Variants in GALNT2 observed in about 807,000 individuals in gnomAD.
The protein encoded by GALNT2 is UDP-GalNAc:polypeptide N-acetylgalactosaminyltransferase 2.
A neutral mutation model predicts 81.4 loss-of-function variants in GALNT2; 31 were observed. That is an observed-to-expected ratio of 0.38 (90% CI 0.29 to 0.51). GALNT2 has a LOEUF of 0.51. Ranked by LOEUF, GALNT2 falls within the 20% of genes least tolerant of loss-of-function variation. The probability of loss-of-function intolerance (pLI) is 0.87; values close to 1 mark genes in which losing one functional copy is unlikely to be tolerated. For missense variants in GALNT2, 629 were observed against 765.7 expected (o/e 0.82, Z 2.11); for synonymous variants, 303 against 287.4 (o/e 1.05, Z -0.55).
intron 1 of GALNT2, among the ~76,000 whole-genome samples, chr1:230,084,249 G>T (rs1023331122): frequency 6.6e-6 from 1 of 152,190 alleles, no homozygotes; most frequent in African/African-American, 2.4e-5. Flanking sequence ...GCTGGGGGAC[G>T]GTCACGCCAA....
At chr1:230,064,306 T>C (rs1297963396), upstream of GALNT2, among the ~76,000 whole-genome samples, 11 of 152,214 alleles carry the variant, frequency 7.2e-5, no homozygotes, top group Non-Finnish European at 1.5e-5. Context: ...GTATAATGTA[T>C]ATACACTAGT....
intron 10 of GALNT2, among the ~76,000 whole-genome samples, chr1:230,252,231 G>A (rs1665566158): frequency 6.6e-6 from 1 of 152,172 alleles, no homozygotes; most frequent in Non-Finnish European, 1.5e-5. Context: ...CAACCTGAGG[G>A]GCCTCTGTGG....
At position 230,249,199 on chromosome 1, in the gene GALNT2, T is replaced by C. The variant is rs749754600; in HGVS notation, c.833T>C (p.Leu278Ser). 1 of 1,614,136 alleles carries C rather than the reference T, an allele frequency of 6.2e-7. No individual in the cohort carries two copies. The highest frequency in any genetic ancestry group is 8.5e-7 in the Non-Finnish European group (1 of 1,180,008). The change falls in exon 9 of 16, where the codon TTG becomes TCG. Residue 278 changes from leucine to serine, a missense_variant. By Grantham distance (145) the Leu-to-Ser change is moderately radical (BLOSUM62 -2). Around this residue, in one of 3 missense-constraint regions of GALNT2, gnomAD observed 360 missense variants for 492.8 expected, o/e 0.73. Coordinates refer to ENST00000366672, the MANE Select transcript of GALNT2 (RefSeq NM_004481.5). ...ADLKGGFDWNLVFKWDYMTPE... is the reference protein window; with the variant it reads ...ADLKGGFDWNSVFKWDYMTPE... ...TGGCTGGCAGGTTTTGATTGGAACT[T>C]GGTATTCAAGTGGGATTACATGACG...
intron 1 of GALNT2, among the ~76,000 whole-genome samples, chr1:230,129,272 C>G (rs1470831643): frequency 6.6e-6 from 1 of 152,112 alleles, no homozygotes; most frequent in Non-Finnish European, 1.5e-5. Flanking sequence ...CTTTCCTGTC[C>G]TATAACCTGT....
intron 3 of GALNT2, among the ~76,000 whole-genome samples, chr1:230,229,547 A>G (rs1664810976): frequency 6.6e-6 from 1 of 152,202 alleles, no homozygotes; most frequent in Non-Finnish European, 1.5e-5. Flanking sequence ...GAAGAGGTTC[A>G]TAATGTATGA....
chr1:230,206,055 G>T (rs182882033), intron 3 of GALNT2, among the ~76,000 whole-genome samples: 6 of 152,062 alleles, frequency 3.9e-5, no homozygotes, highest in Non-Finnish European at 5.9e-5. Flanking sequence ...GACTTCAGTC[G>T]ACTGCTTGGC....
At chr1:230,266,989 G>GACACACACACACACAC (rs35956776) in intron 14 of GALNT2, among the ~76,000 whole-genome samples, 48 of 146,794 alleles carry the variant, frequency 3.3e-4, no homozygotes, top group Middle Eastern at 3.5e-3. Flanking sequence ...GCACGTGTGT[G>GACACACACACACACAC]ACACACACAC....
intron 3 of GALNT2, among the ~76,000 whole-genome samples, chr1:230,209,214 G>T (rs1039647801): frequency 6.6e-6 from 1 of 152,134 alleles, no homozygotes; most frequent in Non-Finnish European, 1.5e-5. Context: ...ACTAGCAGCC[G>T]CATGGAAGTA....
At chr1:230,197,090 A>G (rs1353052170) in intron 2 of GALNT2, among the ~76,000 whole-genome samples, 1 of 152,008 alleles carries the variant, frequency 6.6e-6, no homozygotes, top group Non-Finnish European at 1.5e-5. Flanking sequence ...CTGGCTTCAG[A>G]GCAAGCCTCT....
At chr1:230,136,687 G>A (rs895448255) in intron 1 of GALNT2, among the ~76,000 whole-genome samples, 2 of 152,186 alleles carry the variant, frequency 1.3e-5, no homozygotes, top group African/African-American at 4.8e-5. Flanking sequence ...CGGGGGCAAC[G>A]TTCCGCTTTG....
At chr1:230,137,165 A>G (rs969447036) in intron 1 of GALNT2, among the ~76,000 whole-genome samples, 2 of 152,184 alleles carry the variant, frequency 1.3e-5, no homozygotes, top group Non-Finnish European at 2.9e-5. Context: ...GGGGAGCCAA[A>G]TAGTGCTTTT....
intron 3 of GALNT2, among the ~76,000 whole-genome samples, chr1:230,209,857 C>T (rs1255774658): frequency 1.3e-5 from 2 of 152,012 alleles, no homozygotes; most frequent in African/African-American, 4.8e-5. Context: ...TTTAAGGTCC[C>T]GTCTGTGGTA....
rs181621722 is a variant in GALNT2 at position 230,225,289 on chromosome 1, T to A, written c.375-10725T>A. Among the ~76,000 whole-genome samples, 508 of 152,382 alleles carry A rather than the reference T, an allele frequency of 3.3e-3. 2 individuals carry two copies. Among genetic ancestry groups the A allele is most frequent in the African/African-American group, 0.012 (489 of 41,592 alleles). ...TTTACATTCTATCCAGTAGCCTGCC[T>A]AGACTTTCTGTAGACACCATAGCAA... is the stretch of plus-strand genomic sequence containing the variant. On this transcript the variant is annotated intron_variant, in intron 3 of 15. Transcript: ENST00000366672.
chr1:230,154,015 C>T (rs1276847051), intron 1 of GALNT2, among the ~76,000 whole-genome samples: 1 of 152,232 alleles, frequency 6.6e-6, no homozygotes, highest in Non-Finnish European at 1.5e-5. Flanking sequence ...TTTCTCTTTT[C>T]ACCCATTGTT....
rs556798583 is a variant in GALNT2 at position 230,193,729 on chromosome 1, G to A, written c.221-9408G>A. On this transcript the variant is annotated intron_variant, in intron 2 of 15. Transcript: ENST00000366672. This position sits in a 1 kb window ranked among gnomAD's most constrained non-coding sequence, Gnocchi z 4.3. Reference sequence around the variant, plus strand: ...CAAGTAGTCCCCTGATGACAAAAGCGTCTTTTTCAAAAAGTTCACTTGAAG... The same window carrying A: ...CAAGTAGTCCCCTGATGACAAAAGCATCTTTTTCAAAAAGTTCACTTGAAG... 9.3e-4 allele frequency among the ~76,000 whole-genome samples: 142 copies of A among 152,252 alleles called. No individual in the cohort carries two copies. The highest frequency in any genetic ancestry group is 2.9e-3 in the African/African-American group (119 of 41,556).
At chr1:230,236,207 CAG>C (rs1665024956) in intron 4 of GALNT2, 95 bp downstream of exon 4, 1 of 1,403,566 alleles carries the variant, frequency 7.1e-7, no homozygotes, top group South Asian at 1.2e-5. Flanking sequence ...GGGCTGCAGA[CAG>C]GGTCTCCTGA....
At chr1:230,097,927 T>A (rs1380831025) in intron 1 of GALNT2, among the ~76,000 whole-genome samples, 1 of 152,218 alleles carries the variant, frequency 6.6e-6, no homozygotes, top group Non-Finnish European at 1.5e-5. Flanking sequence ...CTGCTTTAGT[T>A]TCAGGGATCA....
At chr1:230,129,732 G>T (rs1020478760) in intron 1 of GALNT2, among the ~76,000 whole-genome samples, 1 of 152,182 alleles carries the variant, frequency 6.6e-6, no homozygotes, top group Non-Finnish European at 1.5e-5. Flanking sequence ...TAGACTCAGG[G>T]TGCATGTGCA....
intron 9 of GALNT2, among the ~76,000 whole-genome samples, chr1:230,249,562 T>G (rs1665479865): frequency 6.6e-6 from 1 of 152,234 alleles, no homozygotes; most frequent in Admixed American, 6.5e-5. Context: ...GAGCAGGATC[T>G]CCGAGCTGAC....
Sources: allele counts gnomAD v4.1 joint callset (sites outside exome capture counted in the v4.1 genomes callset), GRCh38; gene constraint gnomAD v4.1.1; regional missense constraint gnomAD v4.1.1; non-coding constraint Gnocchi (gnomAD v3.1); transcripts MANE v1.5; gene names NCBI Gene and HGNC (gene_info 2026-07-23, HGNC 2026-07-21).